The following NXPH2 variants were observed in gnomAD, a reference collection of about 807,000 sequenced individuals.
NXPH2 encodes neurexophilin 2.
NXPH2 carries 5 observed loss-of-function variants against 19.8 expected under a neutral mutation model. The ratio of observed to expected loss-of-function variants is 0.25; its 90% CI spans 0.13 to 0.53. NXPH2 has a LOEUF of 0.53. Ranked by LOEUF, NXPH2 falls within the 20% of genes least tolerant of loss-of-function variation. The probability of loss-of-function intolerance (pLI) is 0.96; values close to 1 mark genes in which losing one functional copy is unlikely to be tolerated. For synonymous variants in NXPH2, 154 were observed against 127.4 expected, an observed-to-expected ratio of 1.21 and a Z score of -1.41; for missense variants, 289 against 322.8, an observed-to-expected ratio of 0.90 and a Z score of 0.80.
intron 1 of NXPH2, among the ~76,000 whole-genome samples, chr2:138,685,826 C>T (rs1041069233): frequency 1.2e-4 from 19 of 152,174 alleles, no homozygotes; most frequent in Admixed American, 1.2e-3. Flanking sequence ...GGCCAAGTGT[C>T]TCTCCATGCT....
rs538589651 is a variant in NXPH2 at position 138,759,891 on chromosome 2, G to A, written c.51+20300C>T. ...ACTATAGGCACCTGCCACCACGCCC[G>A]GCTAATTTTTTGTATTTTTAATAGA... On this transcript the variant is annotated intron_variant, in intron 1 of 1. Coordinates refer to ENST00000272641, the MANE Select transcript of NXPH2 (RefSeq NM_007226.3). Among the ~76,000 whole-genome samples the A allele has an allele frequency of 2.2e-4, 34 of 151,936 alleles. 2 individuals are homozygous for A. In the South Asian group the frequency reaches 6.2e-3, roughly 28 times the overall value.
In NXPH2 at chr2:138,751,628, T is replaced by C. The variant is rs1418416725; in HGVS notation, c.51+28563A>G. ...GCCTCTCTGAGAAACTGGTATGTTCTCTCTTCAAAGGAGACATATAATATA... is the reference window on the plus strand; with the variant it reads ...GCCTCTCTGAGAAACTGGTATGTTCCCTCTTCAAAGGAGACATATAATATA... On this transcript the variant is annotated intron_variant, in intron 1 of 1. Transcript: ENST00000272641. 3.3e-5 allele frequency among the ~76,000 whole-genome samples: 5 copies of C among 152,288 alleles called. No homozygotes were observed. In the East Asian group the frequency reaches 9.7e-4, roughly 29 times the overall value.
At chr2:138,746,090 T>C (rs1255112726) in intron 1 of NXPH2, among the ~76,000 whole-genome samples, 1 of 152,214 alleles carries the variant, frequency 6.6e-6, no homozygotes, top group Non-Finnish European at 1.5e-5. Flanking sequence ...GGAAGCTGTC[T>C]GAATGGACTA....
At position 138,671,390 on chromosome 2, in the gene NXPH2, C is replaced by G. The variant is rs1189125874; in HGVS notation, c.327G>C (p.Lys109Asn). The change falls in exon 2 of 2, where the codon AAG becomes AAC. Residue 109 changes from lysine (K) to asparagine (N), a missense_variant. Coordinates refer to ENST00000272641, the MANE Select transcript of NXPH2 (RefSeq NM_007226.3). Reference protein sequence around the residue: ...RRPIVKTGKFKKMFGWGDFHS... With the variant: ...RRPIVKTGKFNKMFGWGDFHS... ...GAAAGTCACCCCATCCAAACATTTT[C>G]TTAAATTTTCCTGTTTTTACTATTG... 6.2e-7 allele frequency: 1 copy of G among 1,613,994 alleles called. No homozygotes were observed. Among genetic ancestry groups the G allele is most frequent in the Non-Finnish European group, 8.5e-7 (1 of 1,179,874 alleles).
chr2:138,738,517 T>C (rs986252656), intron 1 of NXPH2, among the ~76,000 whole-genome samples: 6 of 152,202 alleles, frequency 3.9e-5, no homozygotes, highest in African/African-American at 1.4e-4. Flanking sequence ...GCAAAAAAAT[T>C]TGTGATAATT....
chr2:138,681,575 C>T (rs1680580731), intron 1 of NXPH2, among the ~76,000 whole-genome samples: 1 of 152,108 alleles, frequency 6.6e-6, no homozygotes, highest in African/African-American at 2.4e-5. Flanking sequence ...CTCTACTTAT[C>T]AAAGAAGAAA....
At chr2:138,671,957 C>A (rs1680423340) in intron 1 of NXPH2, among the ~76,000 whole-genome samples, 1 of 152,000 alleles carries the variant, frequency 6.6e-6, no homozygotes, top group Non-Finnish European at 1.5e-5. Context: ...TCTATTTTTC[C>A]AGATTGGGGG....
intron 1 of NXPH2, among the ~76,000 whole-genome samples, chr2:138,738,765 C>T (rs1367173018): frequency 6.6e-6 from 1 of 152,180 alleles, no homozygotes; most frequent in East Asian, 1.9e-4. Context: ...CCTTGCTCCG[C>T]CTGGTTAATG....
chr2:138,716,004 C>G (rs1283859309), intron 1 of NXPH2, among the ~76,000 whole-genome samples: 2 of 152,134 alleles, frequency 1.3e-5, no homozygotes, highest in Non-Finnish European at 2.9e-5. Flanking sequence ...GCCTGATGAT[C>G]TACTTTTTTC....
chr2:138,772,769 T>C (rs910597651), intron 1 of NXPH2, among the ~76,000 whole-genome samples: 15 of 152,144 alleles, frequency 9.9e-5, no homozygotes, highest in African/African-American at 3.6e-4. Context: ...CTCAAGTCCA[T>C]CACTCTGGGT....
chr2:138,778,248 G>A (rs186419840), intron 1 of NXPH2, among the ~76,000 whole-genome samples: 36 of 152,314 alleles, frequency 2.4e-4, no homozygotes, highest in African/African-American at 4.1e-4. Flanking sequence ...CAGGGCTGCA[G>A]CTCCCTACCT....
intron 1 of NXPH2, among the ~76,000 whole-genome samples, chr2:138,774,397 A>G (rs1682226305): frequency 6.6e-6 from 1 of 152,216 alleles, no homozygotes; most frequent in Non-Finnish European, 1.5e-5. Flanking sequence ...ACTTCTAAGT[A>G]TATACATCAC....
chr2:138,755,801 A>G (rs1681897483), intron 1 of NXPH2, among the ~76,000 whole-genome samples: 2 of 152,118 alleles, frequency 1.3e-5, no homozygotes, highest in Non-Finnish European at 2.9e-5. Context: ...CCAATTCACA[A>G]ACATGCACTG....
intron 1 of NXPH2, among the ~76,000 whole-genome samples, chr2:138,686,208 T>C (rs1421644297): frequency 1.3e-5 from 2 of 152,304 alleles, no homozygotes; most frequent in Non-Finnish European, 1.5e-5. Context: ...GTTAAGGAGA[T>C]AAAAATCAAA....
At chr2:138,765,028 T>A (rs1682070341) in intron 1 of NXPH2, among the ~76,000 whole-genome samples, 1 of 152,236 alleles carries the variant, frequency 6.6e-6, no homozygotes, top group East Asian at 1.9e-4. Context: ...AGGGCTTGAC[T>A]TATTTAGGGA....
At chr2:138,699,900 C>T (rs1437374555) in intron 1 of NXPH2, among the ~76,000 whole-genome samples, 1 of 152,142 alleles carries the variant, frequency 6.6e-6, no homozygotes, top group Non-Finnish European at 1.5e-5. Flanking sequence ...GGATATAAGT[C>T]GAGGCTTGTG....
intron 1 of NXPH2, among the ~76,000 whole-genome samples, chr2:138,674,939 C>G (rs1680464530): frequency 6.6e-6 from 1 of 152,172 alleles, no homozygotes; most frequent in African/African-American, 2.4e-5. Flanking sequence ...AAGAAGTGCT[C>G]CCTTACTTCC....
intron 1 of NXPH2, among the ~76,000 whole-genome samples, chr2:138,717,278 TGAGAATCACCTG>T (rs1392159874): frequency 6.6e-6 from 1 of 152,090 alleles, no homozygotes; most frequent in Non-Finnish European, 1.5e-5. Flanking sequence ...TTATCCCACA[TGAGAATCACCTG>T]GAGAACGTTT....
intron 1 of NXPH2, among the ~76,000 whole-genome samples, chr2:138,702,212 G>C (rs945748491): frequency 2.0e-5 from 3 of 152,032 alleles, no homozygotes; most frequent in Non-Finnish European, 4.4e-5. Context: ...AAACTCCTGG[G>C]TGCAAATGTT....
Sources: allele counts gnomAD v4.1 joint callset (sites outside exome capture counted in the v4.1 genomes callset), GRCh38; gene constraint gnomAD v4.1.1; transcripts MANE v1.5; gene names NCBI Gene and HGNC (gene_info 2026-07-23, HGNC 2026-07-21).